STK39: variants seen among roughly 807,000 people sequenced by gnomAD.
STK39 encodes the protein serine/threonine kinase 39, also known as STE20/SPS1-related proline-alanine-rich protein kinase.
Under a neutral mutation model 77.8 loss-of-function variants are expected in STK39, and 20 were observed. The ratio of observed to expected loss-of-function variants is 0.26; its 90% CI spans 0.18 to 0.37. The LOEUF (loss-of-function observed/expected upper bound fraction) is 0.37. STK39 is among the 10% of genes least tolerant of loss of function. The pLI is 1.00. For synonymous variants in STK39, 246 were observed against 234.1 expected (o/e 1.05, Z -0.47); for missense variants, 479 against 656.5 (o/e 0.73, Z 2.95).
chr2:168,117,437 T>C (rs1322990664), intron 10 of STK39, among the ~76,000 whole-genome samples: 1 of 152,082 alleles, frequency 6.6e-6, no homozygotes, highest in East Asian at 1.9e-4. Flanking sequence ...AACACAGAGA[T>C]AAAAGGACAC....
intron 14 of STK39, among the ~76,000 whole-genome samples, chr2:168,028,661 C>A (rs1684760968): frequency 6.6e-6 from 1 of 152,146 alleles, no homozygotes; most frequent in African/African-American, 2.4e-5. Flanking sequence ...GATCACTGTT[C>A]TTTTCAATCA....
In STK39 at chr2:168,079,435, G is replaced by T. The variant is rs114820577; in HGVS notation, c.1090-4204C>A. Among the ~76,000 whole-genome samples, 1,303 of 152,266 alleles carry T rather than the reference G, an allele frequency of 8.6e-3. 18 individuals are homozygous for T. Among genetic ancestry groups the T allele is most frequent in the African/African-American group, 0.03 (1,244 of 41,544 alleles). On this transcript the variant is annotated intron_variant, in intron 10 of 17. Coordinates refer to ENST00000355999, the MANE Select transcript of STK39 (RefSeq NM_013233.3). ...AATCCACACTTGAAAAGCAAGCCCT[G>T]GGATCAGCCCCAACATGTACTCTCT... is the stretch of plus-strand genomic sequence containing the variant.
intron 16 of STK39, among the ~76,000 whole-genome samples, chr2:167,973,394 TG>T (rs1436809125): frequency 2.6e-5 from 4 of 152,208 alleles, no homozygotes; most frequent in Non-Finnish European, 5.9e-5. Flanking sequence ...GAATTAGCCA[TG>T]CCCCCTAGCT....
intron 14 of STK39, among the ~76,000 whole-genome samples, chr2:168,051,992 C>CTT (rs765347150): frequency 0.011 from 1,542 of 141,068 alleles, 36 homozygotes; most frequent in African/African-American, 0.038. Context: ...ATGAGGAAGA[C>CTT]TTTTTTTTTT....
intron 10 of STK39, 86 bp downstream of exon 10, chr2:168,129,455 T>A (rs1461411905): frequency 2.1e-6 from 3 of 1,434,444 alleles, no homozygotes; most frequent in Non-Finnish European, 2.0e-6. Flanking sequence ...ATCCTGCATA[T>A]GTGGAAATCT....
chr2:168,122,946 T>C (rs1250731592), intron 10 of STK39, among the ~76,000 whole-genome samples: 1 of 152,242 alleles, frequency 6.6e-6, no homozygotes, highest in East Asian at 1.9e-4. Context: ...TAAGAAGTGA[T>C]ACTTGTGTTT....
At position 168,087,961 on chromosome 2, in the gene STK39, G is replaced by A. The variant is rs576343918; in HGVS notation, c.1090-12730C>T. On this transcript the variant is annotated intron_variant, in intron 10 of 17. Transcript: ENST00000355999. ...AAATAAAGATCAGGGGTTAGCTACT[G>A]GTTAAACATCATTTATGTTAGGTCT... is the stretch of plus-strand genomic sequence containing the variant. 3.3e-5 allele frequency among the ~76,000 whole-genome samples: 5 copies of A among 152,186 alleles called. No individual in the cohort carries two copies. In the South Asian group the frequency reaches 1.0e-3, roughly 32 times the overall value.
At chr2:168,130,794 C>T (rs529099220) in intron 8 of STK39, among the ~76,000 whole-genome samples, 1 of 152,290 alleles carries the variant, frequency 6.6e-6, no homozygotes, top group Admixed American at 6.5e-5. Flanking sequence ...TCAATAGTTC[C>T]TTCCAAAAAG....
intron 1 of STK39, among the ~76,000 whole-genome samples, chr2:168,206,755 G>T (rs762824252): frequency 6.6e-6 from 1 of 152,098 alleles, no homozygotes; most frequent in Non-Finnish European, 1.5e-5. Context: ...CTCACTTCTG[G>T]CAGAGAATTA....
chr2:167,982,895 C>A (rs1683459244), intron 16 of STK39, among the ~76,000 whole-genome samples: 1 of 152,168 alleles, frequency 6.6e-6, no homozygotes, highest in African/African-American at 2.4e-5. Context: ...AAGTAATCTT[C>A]CTGACCTTAT....
chr2:167,999,070 C>T (rs1017511379), intron 16 of STK39, among the ~76,000 whole-genome samples: 3 of 152,204 alleles, frequency 2.0e-5, no homozygotes, highest in African/African-American at 7.2e-5. Flanking sequence ...TTACAAGGTC[C>T]TTTGTGATCT....
chr2:168,145,512 C>T (rs1488444961), intron 5 of STK39, among the ~76,000 whole-genome samples: 1 of 151,916 alleles, frequency 6.6e-6, no homozygotes, highest in Admixed American at 6.6e-5. Flanking sequence ...CCCAGTTTTC[C>T]CAAAAAAGCC....
At chr2:168,200,684 AAAAATAAAATAAAAT>A (rs57515359) in intron 1 of STK39, among the ~76,000 whole-genome samples, 6 of 150,062 alleles carry the variant, frequency 4.0e-5, no homozygotes, top group South Asian at 2.1e-4. Flanking sequence ...CTCAAAACAT[AAAAATAAAATAAAAT>A]AAAATAAAAT....
At chr2:168,237,061 A>G (rs1221893237) in intron 1 of STK39, among the ~76,000 whole-genome samples, 1 of 152,014 alleles carries the variant, frequency 6.6e-6, no homozygotes, top group Non-Finnish European at 1.5e-5. Context: ...CACGATATTG[A>G]TTCTTCCTAT....
intron 1 of STK39, among the ~76,000 whole-genome samples, chr2:168,241,542 G>T (rs1187270164): frequency 6.6e-6 from 1 of 152,204 alleles, no homozygotes; most frequent in Non-Finnish European, 1.5e-5. Context: ...CAGCAGTGGA[G>T]GTGCAAGGGG....
chr2:167,956,708 T>A (rs74171272), intron 17 of STK39, among the ~76,000 whole-genome samples: 45,572 of 66,330 alleles, frequency 0.69, 14,754 homozygotes, highest in South Asian at 0.73. Flanking sequence ...TCTCTCTCTC[T>A]CTCTCTCTCT....
At chr2:168,194,890 T>C (rs904977045) in intron 1 of STK39, among the ~76,000 whole-genome samples, 2 of 152,190 alleles carry the variant, frequency 1.3e-5, no homozygotes, top group Non-Finnish European at 2.9e-5. Context: ...TTTTTTTTAA[T>C]TGAAACTACT....
intron 1 of STK39, among the ~76,000 whole-genome samples, chr2:168,192,810 C>T (rs546759675): frequency 1.4e-4 from 22 of 152,158 alleles, no homozygotes; most frequent in Non-Finnish European, 2.6e-4. Context: ...ATCCCAGACA[C>T]CTGGATAGAA....
At chr2:168,056,326 G>A (rs1685524657) in intron 14 of STK39, among the ~76,000 whole-genome samples, 2 of 151,854 alleles carry the variant, frequency 1.3e-5, no homozygotes, top group Non-Finnish European at 2.9e-5. Context: ...CAAAATCAAG[G>A]TGAGCTTCCG....
Sources: allele counts gnomAD v4.1 joint callset (sites outside exome capture counted in the v4.1 genomes callset), GRCh38; gene constraint gnomAD v4.1.1; transcripts MANE v1.5; gene names NCBI Gene and HGNC (gene_info 2026-07-23, HGNC 2026-07-21).